Variants in SMTN observed in about 807,000 individuals in gnomAD.
SMTN encodes smoothelin.
In SMTN, 58 loss-of-function variants were observed where a neutral mutation model predicts 102.0. That is an observed-to-expected ratio of 0.57 (90% confidence interval 0.46 to 0.71). The LOEUF (loss-of-function observed/expected upper bound fraction) is 0.71, where lower values mean the gene tolerates loss of function less well. SMTN is among the 30% of genes least tolerant of loss of function. The pLI is 0.00. For missense variants in SMTN, 1,185 were observed against 1,241.7 expected, an observed-to-expected ratio of 0.95 and a Z score of 0.69; for synonymous variants, 478 against 497.9, an observed-to-expected ratio of 0.96 and a Z score of 0.53.
upstream of SMTN, among the ~76,000 whole-genome samples, chr22:31,079,282 G>A (rs1467183373): frequency 6.6e-6 from 1 of 152,244 alleles, no homozygotes; most frequent in Non-Finnish European, 1.5e-5. Flanking sequence ...TTGCAGAGAG[G>A]AAGACAGAGG....
intron 20 of SMTN, chr22:31,103,513 A>C (rs2044255865): frequency 6.6e-6 from 1 of 152,320 alleles, no homozygotes; most frequent in Non-Finnish European, 1.5e-5. Context: ...CATGCGGCCT[A>C]GCCTGCACTT....
intron 1 of SMTN, chr22:31,064,885 T>A (rs1303172309): frequency 6.6e-6 from 1 of 152,230 alleles, no homozygotes; most frequent in African/African-American, 2.4e-5. Flanking sequence ...TACAGTAACC[T>A]ACATACCTTA....
At chr22:31,098,455 A>G (rs573312287) in intron 16 of SMTN, among the ~76,000 whole-genome samples, 85 of 151,920 alleles carry the variant, frequency 5.6e-4, no homozygotes, top group Middle Eastern at 3.4e-3. Context: ...GGGGAGGGGG[A>G]GGCGGAAACC....
intron 1 of SMTN, among the ~76,000 whole-genome samples, chr22:31,071,169 G>A (rs2041989113): frequency 6.6e-6 from 1 of 150,782 alleles, no homozygotes; most frequent in African/African-American, 2.4e-5. Flanking sequence ...GCGCCCAGGA[G>A]TTCAAGGCTT....
chr22:31,093,646 CG>C, intron 11 of SMTN: 1 of 779,446 alleles, frequency 1.3e-6, no homozygotes, highest in South Asian at 1.4e-5. Flanking sequence ...AGCACTGAGC[CG>C]GCGGCTGGAT....
At chr22:31,071,239 CAAAAA>C (rs60870558) in intron 1 of SMTN, among the ~76,000 whole-genome samples, 1 of 115,510 alleles carries the variant, frequency 8.7e-6, no homozygotes, top group African/African-American at 2.9e-5. Flanking sequence ...CACCCTGTCT[CAAAAA>C]AAAAAAAAAA....
intron 19 of SMTN, among the ~76,000 whole-genome samples, chr22:31,100,289 G>A (rs1212098224): frequency 5.3e-5 from 8 of 152,026 alleles, no homozygotes; most frequent in South Asian, 2.1e-4. Context: ...CTCCTGGCCC[G>A]GGCACCGTGC....
upstream of SMTN, among the ~76,000 whole-genome samples, chr22:31,079,297 C>T (rs930171563): frequency 1.3e-5 from 2 of 152,222 alleles, no homozygotes; most frequent in Admixed American, 6.5e-5. Flanking sequence ...CAGAGGCAGG[C>T]GGGTATGTCT....
chr22:31,099,076 C>A lies in SMTN; in HGVS notation c.2348C>A (p.Pro783His). Residue 783 changes from proline to histidine, a missense_variant, in exon 18 of 21, where the codon CCC becomes CAC. Physicochemically the swap from Pro to His is moderately conservative, Grantham distance 77. Around this residue, in one of 2 missense-constraint regions of SMTN, gnomAD observed 1,096 missense variants for 1,112.7 expected, o/e 0.98. Transcript: ENST00000333137. ...KEGAAGSPGGPRAAVQRSTSF... is the reference protein window; with the variant it reads ...KEGAAGSPGGHRAAVQRSTSF... ...CGCCCCTACAGCAGCCCTGGCGGAC[C>A]CCGCGCAGCCGTGCAGCGATCCACC... 3 of 1,612,168 alleles carry A rather than the reference C, an allele frequency of 1.9e-6. No individual in the cohort carries two copies. The highest frequency in any genetic ancestry group is 2.5e-6 in the Non-Finnish European group (3 of 1,179,914).
At chr22:31,101,241 C>T (rs1420774459) in intron 20 of SMTN, 192 bp downstream of exon 20, 4 of 576,918 alleles carry the variant, frequency 6.9e-6, no homozygotes, top group Non-Finnish European at 1.2e-5. Context: ...AGTGATGACC[C>T]AGGTGGGCAG....
Position 31,090,169 on chromosome 22 carries a change from C to A in SMTN, c.854C>A (p.Thr285Asn). The A allele has an allele frequency of 1.9e-6, 3 of 1,610,992 alleles. No homozygotes were observed. The highest frequency in any genetic ancestry group is 2.5e-6 in the Non-Finnish European group (3 of 1,178,702). ...AGCCCCACCAGAGGCCCCTCTGACA[C>A]CAAGAGAGCAGGTGAGGGTCCCAGC... ...AQSPTRGPSD[T>N]KRADVAGPRP... Residue 285 changes from threonine to asparagine, a missense_variant, in exon 8 of 21, where the codon ACC (threonine) becomes AAC (asparagine). Thr to Asn is a moderately conservative substitution (Grantham distance 65). Coordinates refer to ENST00000333137, the MANE Select transcript of SMTN (RefSeq NM_134269.3).
At chr22:31,070,623 T>A (rs2041973137) in intron 1 of SMTN, among the ~76,000 whole-genome samples, 1 of 152,076 alleles carries the variant, frequency 6.6e-6, no homozygotes, top group African/African-American at 2.4e-5. Context: ...AAAACAAAAC[T>A]TTAAAAATTA....
In SMTN at chr22:31,091,673, A is replaced by G. The variant is rs781047278; in HGVS notation, c.1460-2A>G. 1 of 1,584,810 alleles carries G rather than the reference A, an allele frequency of 6.3e-7. No individual in the cohort carries two copies. On this transcript the variant is annotated splice_acceptor_variant, in intron 10 of 20. Transcript: ENST00000333137. LOFTEE classifies it high-confidence loss of function. ...CTGACAGCCACCTTTCTCCCCACTC[A>G]GAACTGACACTGGGGCTGCGGGCGC...
chr22:31,082,802 G>T, intron 1 of SMTN: 1 of 1,458,104 alleles, frequency 6.9e-7, no homozygotes, highest in Non-Finnish European at 9.1e-7. Context: ...GGGTGGGTGG[G>T]GCAGGAAACT....
intron 11 of SMTN, chr22:31,093,963 G>A: frequency 1.1e-6 from 1 of 894,940 alleles, no homozygotes; most frequent in Admixed American, 2.6e-5. Context: ...CCTTCTCTGA[G>A]CCTCAGTTTA....
In SMTN at chr22:31,082,621, C is replaced by G. The variant is rs987703833; in HGVS notation, c.-80-558C>G. 8.4e-6 allele frequency: 5 copies of G among 596,704 alleles called. No individual in the cohort carries two copies. The East Asian group carries it at 1.9e-4, about 23-fold the overall frequency. 37.0% of individuals were successfully genotyped at this position (596,704 alleles called of 1,614,324 possible). ...CAGGAGGTGCTGGGTGCCTGGACACCTGGCTTCAGGAGGTCTGGACAGCAG... is the reference window on the plus strand; with the variant it reads ...CAGGAGGTGCTGGGTGCCTGGACACGTGGCTTCAGGAGGTCTGGACAGCAG... On this transcript the variant is annotated intron_variant, in intron 1 of 20. Coordinates refer to ENST00000333137, the MANE Select transcript of SMTN (RefSeq NM_134269.3).
intron 1 of SMTN, among the ~76,000 whole-genome samples, chr22:31,069,263 C>T (rs1231002034): frequency 6.6e-6 from 1 of 152,032 alleles, no homozygotes; most frequent in African/African-American, 2.4e-5. Flanking sequence ...CCTTATTGGT[C>T]CTTGGTGGTA....
chr22:31,086,928 CG>C (rs987249882), intron 2 of SMTN, among the ~76,000 whole-genome samples: 1 of 152,056 alleles, frequency 6.6e-6, no homozygotes, highest in African/African-American at 2.4e-5. Context: ...AAAGGAATGA[CG>C]GGGGGGCGCT....
At chr22:31,090,404 A>G (rs2043039752) in intron 8 of SMTN, among the ~76,000 whole-genome samples, 1 of 151,612 alleles carries the variant, frequency 6.6e-6, no homozygotes, top group Non-Finnish European at 1.5e-5. Flanking sequence ...TTGAAAGGCA[A>G]CGGGCCTCAG....
Sources: gnomAD v4.1 joint callset for allele counts (sites outside exome capture counted in the v4.1 genomes callset) on GRCh38, gnomAD v4.1.1 for gene constraint, gnomAD v4.1.1 regional missense constraint, MANE v1.5 for transcripts, NCBI Gene and HGNC (gene_info 2026-07-23, HGNC 2026-07-21) for gene names.